The following GMPR variants were observed in gnomAD, a reference collection of about 807,000 sequenced individuals.
The protein encoded by GMPR is guanosine monophosphate reductase, also known as GMP reductase 1.
In GMPR, 31 loss-of-function variants were observed where a neutral mutation model predicts 38.4. The observed-to-expected ratio is 0.81, with a 90% CI of 0.61 to 1.09. The LOEUF (loss-of-function observed/expected upper bound fraction) is 1.09, where lower values mean the gene tolerates loss of function less well. Ranked by LOEUF, GMPR falls within the 50% of genes least tolerant of loss-of-function variation. The pLI is 0.00. For synonymous variants in GMPR, 162 were observed against 173.3 expected (o/e 0.93, Z 0.51); for missense variants, 468 against 453.7 (o/e 1.03, Z -0.29).
At chr6:16,255,029 GAGA>G in intron 4 of GMPR, among the ~76,000 whole-genome samples, 1 of 125,622 alleles carries the variant, frequency 8.0e-6, no homozygotes, top group Admixed American at 8.0e-5. Flanking sequence ...TTTTTTTTTT[GAGA>G]AGGAGTCTCA....
At chr6:16,263,329 C>T (rs1336287551) in intron 4 of GMPR, 1 of 151,728 alleles carries the variant, frequency 6.6e-6, no homozygotes, top group Non-Finnish European at 1.5e-5. Context: ...GAACTACTGT[C>T]GAGTTTGTAT....
chr6:16,267,540 A>G (rs1291213407), intron 4 of GMPR, among the ~76,000 whole-genome samples: 2 of 152,204 alleles, frequency 1.3e-5, no homozygotes, highest in African/African-American at 4.8e-5. Flanking sequence ...CAGCAAGACC[A>G]TGAACCCACC....
At chr6:16,251,977 C>T (rs1758884523) in intron 3 of GMPR, among the ~76,000 whole-genome samples, 1 of 152,146 alleles carries the variant, frequency 6.6e-6, no homozygotes, top group South Asian at 2.1e-4. Context: ...CCCTGCTGGT[C>T]AGATCATTTA....
intron 4 of GMPR, among the ~76,000 whole-genome samples, chr6:16,265,779 T>A (rs1759187430): frequency 6.6e-6 from 1 of 152,138 alleles, no homozygotes; most frequent in Non-Finnish European, 1.5e-5. Context: ...AAAAGCTGGC[T>A]GCTGGAGCCA....
At chr6:16,291,372 C>A (rs1489721855) in intron 8 of GMPR, among the ~76,000 whole-genome samples, 1 of 151,890 alleles carries the variant, frequency 6.6e-6, no homozygotes, top group East Asian at 1.9e-4. Flanking sequence ...TACAGGTACC[C>A]CCCATCATGT....
At chr6:16,269,652 C>T (rs991821978) in intron 4 of GMPR, among the ~76,000 whole-genome samples, 4 of 152,192 alleles carry the variant, frequency 2.6e-5, no homozygotes, top group East Asian at 1.9e-4. Context: ...AAAAAATTAG[C>T]TGGGCGTGGT....
At chr6:16,288,868 T>C (rs942675054) in intron 7 of GMPR, among the ~76,000 whole-genome samples, 1 of 148,802 alleles carries the variant, frequency 6.7e-6, no homozygotes, top group Non-Finnish European at 1.5e-5. Flanking sequence ...CAATCCACAC[T>C]CTGTATCTAG....
At chr6:16,242,324 A>G (rs1391306255) in intron 1 of GMPR, among the ~76,000 whole-genome samples, 3 of 139,382 alleles carry the variant, frequency 2.2e-5, no homozygotes, top group Non-Finnish European at 4.5e-5. Context: ...AAGCTCTGTC[A>G]CTAATTACTT....
intron 4 of GMPR, among the ~76,000 whole-genome samples, chr6:16,259,566 G>A (rs943167700): frequency 1.3e-5 from 2 of 151,944 alleles, no homozygotes; most frequent in Non-Finnish European, 2.9e-5. Flanking sequence ...TAGGGGCGGC[G>A]TGGTAACCTA....
chr6:16,293,357 C>G (rs1183917646), intron 8 of GMPR, among the ~76,000 whole-genome samples: 2 of 152,218 alleles, frequency 1.3e-5, no homozygotes, highest in Admixed American at 6.5e-5. Context: ...CACAAGTGTA[C>G]AGACGCCTGT....
intron 2 of GMPR, 44 bp downstream of exon 2, chr6:16,247,005 G>A (rs1370534467): frequency 7.5e-6 from 12 of 1,595,844 alleles, no homozygotes; most frequent in Non-Finnish European, 9.4e-6. Context: ...TGCTCACACT[G>A]TGGACAGGTT....
chr6:16,288,534 C>T (rs913604449), intron 7 of GMPR, among the ~76,000 whole-genome samples: 3 of 152,228 alleles, frequency 2.0e-5, no homozygotes, highest in East Asian at 3.9e-4. Context: ...GGCTGAGCTT[C>T]CCCGCCCCCT....
intron 1 of GMPR, 65 bp downstream of exon 1, chr6:16,238,845 G>C: frequency 1.3e-6 from 1 of 773,968 alleles, no homozygotes; most frequent in South Asian, 2.2e-5. Context: ...GGGGCAAGTG[G>C]GTGGAAGGGG....
At chr6:16,268,446 T>G (rs1759312788) in intron 4 of GMPR, among the ~76,000 whole-genome samples, 1 of 152,214 alleles carries the variant, frequency 6.6e-6, no homozygotes, top group South Asian at 2.1e-4. Context: ...ACCTGGTTAA[T>G]TTTTGTATCT....
In GMPR at chr6:16,253,473, AAG is replaced by A. The variant is rs1758913533; in HGVS notation, c.292-1084_292-1083del. On this transcript the variant is annotated intron_variant, in intron 3 of 8. Coordinates refer to ENST00000259727, the MANE Select transcript of GMPR (RefSeq NM_006877.4). Reference sequence around the variant, plus strand: ...GGTGGAAGGCGAAGTGGGAGAGAGAAAGAGAGGGTGGGAGGTCACACACTTTT... The same window carrying A: ...GGTGGAAGGCGAAGTGGGAGAGAGAAAGAGGGTGGGAGGTCACACACTTTT... Among the ~76,000 whole-genome samples the A allele has an allele frequency of 4.6e-5, 7 of 152,206 alleles. No individual in the cohort carries two copies. The South Asian group carries it at 1.5e-3, about 32-fold the overall frequency.
intron 4 of GMPR, among the ~76,000 whole-genome samples, chr6:16,265,069 C>T (rs1477786943): frequency 6.6e-6 from 1 of 152,144 alleles, no homozygotes; most frequent in African/African-American, 2.4e-5. Flanking sequence ...TTCTCGGGTA[C>T]ATTCTCAGTA....
chr6:16,261,081 C>T lies in GMPR; in HGVS notation c.465+6346C>T, dbSNP rs576818984. Among the ~76,000 whole-genome samples, 4 of 151,870 alleles carry T rather than the reference C, an allele frequency of 2.6e-5. No homozygotes were observed. The East Asian group carries it at 7.7e-4, about 29-fold the overall frequency. ...TATTAGGACGGCGGCAGCCGCTGCA[C>T]GGAGACATGATGGCTAGGCTAAAAC... On this transcript the variant is annotated intron_variant, in intron 4 of 8. Transcript: ENST00000259727.
chr6:16,265,935 G>A (rs1020049277), intron 4 of GMPR, among the ~76,000 whole-genome samples: 5 of 152,154 alleles, frequency 3.3e-5, no homozygotes, highest in East Asian at 1.9e-4. Flanking sequence ...AAGTCAGTGA[G>A]ACCACGAAGC....
intron 7 of GMPR, among the ~76,000 whole-genome samples, chr6:16,288,163 G>A (rs1253918996): frequency 1.3e-5 from 2 of 152,360 alleles, no homozygotes; most frequent in East Asian, 3.9e-4. Flanking sequence ...AGCACTTGAG[G>A]AGCCCTTCAG....
Sources: gnomAD v4.1 joint callset for allele counts (sites outside exome capture counted in the v4.1 genomes callset) on GRCh38, gnomAD v4.1.1 for gene constraint, MANE v1.5 for transcripts, NCBI Gene and HGNC (gene_info 2026-07-23, HGNC 2026-07-21) for gene names.